APPL1: variants seen among roughly 807,000 people sequenced by gnomAD.
APPL1 encodes the protein adaptor protein, phosphotyrosine interacting with PH domain and leucine zipper 1, also known as DCC-interacting protein 13-alpha.
Under a neutral mutation model 106.8 loss-of-function variants are expected in APPL1, and 42 were observed. The ratio of observed to expected loss-of-function variants is 0.39; its 90% CI spans 0.31 to 0.51. The LOEUF is 0.51. Ranked by LOEUF, APPL1 falls within the 20% of genes least tolerant of loss-of-function variation. The probability of loss-of-function intolerance (pLI) is 0.75; values close to 1 mark genes in which losing one functional copy is unlikely to be tolerated. For synonymous variants in APPL1, 263 were observed against 281.8 expected (o/e 0.93, Z 0.67); for missense variants, 769 against 858.2 (o/e 0.90, Z 1.30).
Position 57,227,902 on chromosome 3 carries a change from C to A in APPL1, c.19C>A (p.Leu7Met). 6.8e-7 allele frequency: 1 copy of A among 1,471,026 alleles called. No individual in the cohort carries two copies. The highest frequency in any genetic ancestry group is 9.0e-7 in the Non-Finnish European group (1 of 1,108,652). 91.1% of individuals were successfully genotyped at this position (1,471,026 alleles called of 1,614,324 possible). MPGIDK[L>M]PIEETLEDSP... is the part of the protein sequence containing the mutation. ...CGCCACGATGCCGGGGATCGACAAGCTGCCCATCGAGGAGACGCTGGAGGA... is the reference window on the plus strand; with the variant it reads ...CGCCACGATGCCGGGGATCGACAAGATGCCCATCGAGGAGACGCTGGAGGA... Residue 7 changes from leucine (L) to methionine (M), a missense_variant, in exon 1 of 22, where the codon CTG becomes ATG. Leu to Met is a conservative substitution (Grantham distance 15). Coordinates refer to ENST00000288266, the MANE Select transcript of APPL1 (RefSeq NM_012096.3).
At chr3:57,243,036 A>G (rs1325712585) in intron 7 of APPL1, 122 bp downstream of exon 7, 1 of 690,716 alleles carries the variant, frequency 1.4e-6, no homozygotes, top group African/African-American at 1.8e-5. Flanking sequence ...CTATTAGTTT[A>G]TTCTTTCCTT....
chr3:57,258,884 A>G, intron 15 of APPL1, 144 bp from the exon 16 acceptor site: 3 of 569,718 alleles, frequency 5.3e-6, no homozygotes, highest in Non-Finnish European at 9.2e-6. Context: ...ATAGTAATTT[A>G]GTGATCAATA....
At chr3:57,244,923 A>T (rs2060764984) in intron 7 of APPL1, among the ~76,000 whole-genome samples, 1 of 152,280 alleles carries the variant, frequency 6.6e-6, no homozygotes, top group Admixed American at 6.5e-5. Flanking sequence ...TTTAAGTAGA[A>T]TTGACAAGAC....
chr3:57,251,493 T>C (rs13097800), intron 11 of APPL1, among the ~76,000 whole-genome samples: 71,921 of 148,220 alleles, frequency 0.49, 17,906 homozygotes, highest in East Asian at 0.85. Context: ...CCACTGCACT[T>C]CAGCCTGGGT....
At chr3:57,263,926 A>C (rs1408180444) in intron 19 of APPL1, among the ~76,000 whole-genome samples, 3 of 152,156 alleles carry the variant, frequency 2.0e-5, no homozygotes, top group African/African-American at 7.2e-5. Flanking sequence ...TTGCTGGATC[A>C]TATGGTAGCT....
chr3:57,250,804 CTTTTTTTTTTT>C (rs71088045), intron 11 of APPL1, among the ~76,000 whole-genome samples: 3 of 110,286 alleles, frequency 2.7e-5, no homozygotes, highest in Non-Finnish European at 3.6e-5. Flanking sequence ...AACTTTCTTT[CTTTTTTTTTTT>C]TTTTTTTTTT....
At chr3:57,257,561 A>G (rs2060844027) in intron 15 of APPL1, 133 bp downstream of exon 15, 3 of 760,674 alleles carry the variant, frequency 3.9e-6, no homozygotes. Context: ...ATTATGTAAC[A>G]TATTGTTAGG....
chr3:57,248,418 A>C, intron 10 of APPL1, 67 bp downstream of exon 10: 1 of 1,493,712 alleles, frequency 6.7e-7, no homozygotes, highest in Non-Finnish European at 9.1e-7. Flanking sequence ...GAATATAGTA[A>C]ATAATTGATG....
At chr3:57,252,207 C>A in intron 11 of APPL1, 62 bp from the exon 12 acceptor site, 1 of 1,375,392 alleles carries the variant, frequency 7.3e-7, no homozygotes. Flanking sequence ...AAAAAGTTAC[C>A]TCGGATTATG....
At chr3:57,243,715 G>T (rs1403751975) in intron 7 of APPL1, among the ~76,000 whole-genome samples, 1 of 152,186 alleles carries the variant, frequency 6.6e-6, no homozygotes, top group Admixed American at 6.5e-5. Flanking sequence ...ACTTAATGGT[G>T]TATTGATAAA....
intron 2 of APPL1, among the ~76,000 whole-genome samples, chr3:57,237,149 C>T (rs1471874135): frequency 6.6e-6 from 1 of 152,132 alleles, no homozygotes; most frequent in Non-Finnish European, 1.5e-5. Flanking sequence ...CTAGTATCAG[C>T]ATCTACAGAG....
intron 1 of APPL1, among the ~76,000 whole-genome samples, chr3:57,229,219 T>C (rs948874350): frequency 3.3e-5 from 5 of 152,244 alleles, no homozygotes; most frequent in Admixed American, 3.3e-4. Context: ...TGTATTTGTT[T>C]CAGATGATTT....
chr3:57,236,094 G>T (rs2060715000), intron 2 of APPL1, among the ~76,000 whole-genome samples: 1 of 149,646 alleles, frequency 6.7e-6, no homozygotes, highest in Non-Finnish European at 1.5e-5. Context: ...GCCCAGGCTG[G>T]AGTGCAGTAG....
At chr3:57,242,371 G>A (rs769925788) in intron 6 of APPL1, among the ~76,000 whole-genome samples, 7 of 152,134 alleles carry the variant, frequency 4.6e-5, no homozygotes, top group Non-Finnish European at 1.0e-4. Context: ...GCCTAAAGAG[G>A]TAGTGTAATA....
rs765622292 is a variant in APPL1, at chr3:57,248,283, C to G, written c.795C>G (p.Asp265Glu). The G allele has an allele frequency of 8.1e-6, 13 of 1,613,972 alleles. No individual in the cohort carries two copies. The highest frequency in any genetic ancestry group is 9.3e-6 in the Non-Finnish European group (11 of 1,180,026). The stretch of plus-strand genomic sequence containing the variant: ...CCAGTGATCCCTTATATGTGCCTGA[C>G]CCAGACCCCACCAAATTTCCTGTTA... ...EVASDPLYVP[D>E]PDPTKFPVNR... The change falls in exon 10 of 22, where the codon GAC becomes GAG. Residue 265 changes from aspartate (D) to glutamate (E), a missense_variant. Asp to Glu is a conservative substitution (Grantham distance 45). Transcript: ENST00000288266.
In APPL1 at chr3:57,227,867, G is replaced by A. The variant is rs765290388; in HGVS notation, c.-17G>A. On this transcript the variant is annotated 5_prime_UTR_variant, in exon 1 of 22. Transcript: ENST00000288266. ...GGCGGCAGCTGCGTCTCCTGCCACC[G>A]CCCTCCCTCCGCCACGATGCCGGGG... 4.1e-6 allele frequency: 6 copies of A among 1,458,514 alleles called. No homozygotes were observed. In the South Asian group the frequency reaches 6.5e-5, roughly 16 times the overall value. The allele number at this position is 1,458,514 out of a possible 1,614,324, so 90.3% of individuals were successfully genotyped here.
At position 57,248,312 on chromosome 3, in the gene APPL1, G is replaced by A. The variant is rs748607720; in HGVS notation, c.824G>A (p.Arg275Gln). The A allele has an allele frequency of 5.0e-5, 80 of 1,613,902 alleles. No homozygotes were observed. The highest frequency in any genetic ancestry group is 6.6e-5 in the Non-Finnish European group (78 of 1,180,002). ...DPDPTKFPVNRNLTRKAGYLN... is the reference protein window; with the variant it reads ...DPDPTKFPVNQNLTRKAGYLN... ...GACCCCACCAAATTTCCTGTTAATC[G>A]AAATTTAACCCGAAAGGCTGGATAC... is the stretch of plus-strand genomic sequence containing the variant. The change falls in exon 10 of 22, where the codon CGA (arginine) becomes CAA (glutamine). Residue 275 changes from arginine (R) to glutamine (Q), a missense_variant. Physicochemically the swap from Arg to Gln is conservative, Grantham distance 43. Coordinates refer to ENST00000288266, the MANE Select transcript of APPL1 (RefSeq NM_012096.3).
rs1456934153 is a variant in APPL1 at position 57,236,104 on chromosome 3, G to C, written c.153+440G>C. Among the ~76,000 whole-genome samples, 3 of 148,242 alleles carry C rather than the reference G, an allele frequency of 2.0e-5. No homozygotes were observed. The East Asian group carries it at 6.0e-4, about 29-fold the overall frequency. On this transcript the variant is annotated intron_variant, in intron 2 of 21. Transcript: ENST00000288266. ...TTGTTGCCCAGGCTGGAGTGCAGTA[G>C]TGTGATCTTGGGTCACCACAACCTC...
intron 1 of APPL1, among the ~76,000 whole-genome samples, chr3:57,234,306 T>TC (rs2060704480): frequency 6.7e-6 from 1 of 148,848 alleles, no homozygotes; most frequent in African/African-American, 2.5e-5. Context: ...CTTTTTTTTT[T>TC]TTTTTTTTTG....
Sources: allele counts gnomAD v4.1 joint callset (sites outside exome capture counted in the v4.1 genomes callset), GRCh38; gene constraint gnomAD v4.1.1; transcripts MANE v1.5; gene names NCBI Gene and HGNC (gene_info 2026-07-23, HGNC 2026-07-21).